The following KANSL1 variants were observed in gnomAD, a reference collection of about 807,000 sequenced individuals.
KANSL1 encodes KAT8 regulatory NSL complex subunit 1.
Under a neutral mutation model 103.6 loss-of-function variants are expected in KANSL1, and 22 were observed. That is an observed-to-expected ratio of 0.21 (90% CI 0.15 to 0.30). The LOEUF is 0.30. Ranked by LOEUF, KANSL1 falls within the 10% of genes least tolerant of loss-of-function variation. The pLI is 1.00. For synonymous variants in KANSL1, 600 were observed against 527.6 expected (o/e 1.14, Z -1.88); for missense variants, 1,337 against 1,399.8 (o/e 0.96, Z 0.72).
At chr17:46,111,509 C>T (rs1266985477) in intron 2 of KANSL1, among the ~76,000 whole-genome samples, 6 of 152,068 alleles carry the variant, frequency 3.9e-5, no homozygotes, top group Non-Finnish European at 5.9e-5. Context: ...CGTGCCCAAC[C>T]GAAAGAGAAT....
chr17:46,192,570 A>T (rs1449792461), intron 1 of KANSL1: 1 of 152,882 alleles, frequency 6.5e-6, no homozygotes, highest in African/African-American at 2.4e-5. Flanking sequence ...ACGCCAAAGG[A>T]AAAGCTGGCG....
At chr17:46,189,031 CAAAAAAA>C (rs57566816) in intron 1 of KANSL1, among the ~76,000 whole-genome samples, 355 of 61,540 alleles carry the variant, frequency 5.8e-3, no homozygotes, top group Admixed American at 6.5e-3. Flanking sequence ...AAGATTGTCT[CAAAAAAA>C]AAAAAAAAAA....
chr17:46,134,493 T>C (rs1262161479), intron 2 of KANSL1, among the ~76,000 whole-genome samples: 9 of 152,122 alleles, frequency 5.9e-5, no homozygotes, highest in South Asian at 2.1e-4. Flanking sequence ...AGAAAGGAGA[T>C]AGAGCTGACC....
chr17:46,136,937 C>T (rs1169579477), intron 2 of KANSL1, among the ~76,000 whole-genome samples: 1 of 152,230 alleles, frequency 6.6e-6, no homozygotes, highest in Non-Finnish European at 1.5e-5. Context: ...GGGTTGGGAA[C>T]TGAATCCCAC....
At chr17:46,089,540 T>C (rs1240288846) in intron 3 of KANSL1, among the ~76,000 whole-genome samples, 1 of 150,668 alleles carries the variant, frequency 6.6e-6, no homozygotes, top group East Asian at 1.9e-4. Flanking sequence ...ATCACCAAGA[T>C]TCAGCCTATC....
At position 46,206,083 on chromosome 17, in the gene KANSL1, C is replaced by CCA. The variant is rs1491578296; in HGVS notation, c.-90+17587_-90+17588insTG. Among the ~76,000 whole-genome samples the CCA allele has an allele frequency of 3.8e-4, 34 of 89,538 alleles. No homozygotes were observed. The East Asian group carries it at 6.4e-3, about 17-fold the overall frequency. The allele number at this position is 89,538 out of a possible 152,430, so 58.7% of individuals were successfully genotyped here. A position where few individuals can be genotyped will look rare whatever the true frequency, so the allele number is the denominator to read the frequency against. On this transcript the variant is annotated intron_variant, in intron 1 of 14. Coordinates refer to the KANSL1 transcript ENST00000572904. The stretch of plus-strand genomic sequence containing the variant: ...GATGACAGAACAAGACTGTGTCCCC[C>CCA]AAAAAAAAAAAAAAAAAAAAAAGGA...
At chr17:46,092,952 T>C (rs1014599534) in intron 3 of KANSL1, 1 of 152,194 alleles carries the variant, frequency 6.6e-6, no homozygotes, top group Non-Finnish European at 1.5e-5. Context: ...TTCTATGAAA[T>C]GTAGCAGTTT....
intron 2 of KANSL1, among the ~76,000 whole-genome samples, chr17:46,133,924 G>C (rs1228166029): frequency 6.6e-6 from 1 of 152,216 alleles, no homozygotes; most frequent in African/African-American, 2.4e-5. Context: ...GTGGAGATGA[G>C]TGAAATCAAC....
chr17:46,184,866 G>A (rs539893082), intron 1 of KANSL1, among the ~76,000 whole-genome samples: 3 of 138,194 alleles, frequency 2.2e-5, no homozygotes, highest in Admixed American at 1.5e-4. Flanking sequence ...TTGAAACAGA[G>A]CCTCTCATTG....
chr17:46,092,298 T>G lies in KANSL1; in HGVS notation c.1431+2262A>C, dbSNP rs1282207284. Among the ~76,000 whole-genome samples the G allele has an allele frequency of 3.3e-5, 5 of 152,242 alleles. No homozygotes were observed. The East Asian group carries it at 9.6e-4, about 29-fold the overall frequency. On this transcript the variant is annotated intron_variant, in intron 3 of 14. Transcript: ENST00000432791. ...AATACTTTTCAGATATTTTGATATT[T>G]TGAAAGTTTCTGAAAATTGCTCTGT...
chr17:46,168,000 C>T (rs540741968), intron 2 of KANSL1, among the ~76,000 whole-genome samples: 26 of 152,334 alleles, frequency 1.7e-4, no homozygotes, highest in African/African-American at 3.8e-4. Context: ...GCTGCCTAGA[C>T]GAAACCTAGC....
At position 46,171,906 on chromosome 17, in the gene KANSL1, C is replaced by G; in HGVS notation, c.238G>C (p.Ala80Pro). The part of the protein sequence containing the change: ...EDLGKLQPLV[A>P]SYLCSDVTSV... Reference sequence around the variant, plus strand: ...GTTACATCAGAGCAGAGATAAGATGCCACCAGTGGTTGCAGCTTTCCCAAG... The same window carrying G: ...GTTACATCAGAGCAGAGATAAGATGGCACCAGTGGTTGCAGCTTTCCCAAG... Residue 80 changes from alanine (A) to proline (P), a missense_variant, in exon 2 of 15, where the codon GCA becomes CCA. Around this residue, in one of 2 missense-constraint regions of KANSL1, gnomAD observed 557 missense variants for 476.4 expected, o/e 1.17. Coordinates refer to ENST00000432791, the MANE Select transcript of KANSL1 (RefSeq NM_015443.4). 1 of 1,614,266 alleles carries G rather than the reference C, an allele frequency of 6.2e-7. No individual in the cohort carries two copies. Among genetic ancestry groups the G allele is most frequent in the Non-Finnish European group, 8.5e-7 (1 of 1,180,050 alleles).
chr17:46,142,535 G>A (rs1401184967), intron 2 of KANSL1, among the ~76,000 whole-genome samples: 3 of 152,220 alleles, frequency 2.0e-5, no homozygotes, highest in African/African-American at 7.2e-5. Flanking sequence ...CTTGAGTCCT[G>A]GAGGTTGAAG....
chr17:46,165,537 G>T (rs2045953789), intron 2 of KANSL1, among the ~76,000 whole-genome samples: 2 of 149,160 alleles, frequency 1.3e-5, no homozygotes, highest in African/African-American at 4.9e-5. Flanking sequence ...TTGAGACACA[G>T]TTTCACTCTG....
upstream of KANSL1, chr17:46,193,650 G>T (rs946688584): frequency 6.4e-6 from 2 of 312,772 alleles, no homozygotes; most frequent in Non-Finnish European, 1.3e-5. Context: ...ATCTGCGGAG[G>T]CCGCGGCGCC....
chr17:46,031,902 G>T, intron 14 of KANSL1, 145 bp downstream of exon 14: 1 of 1,201,620 alleles, frequency 8.3e-7, no homozygotes, highest in Non-Finnish European at 1.2e-6. Context: ...CAGTTCCACT[G>T]AACGTTGAGG....
At chr17:46,044,156 G>T (rs1375414070) in intron 7 of KANSL1, 1 of 152,174 alleles carries the variant, frequency 6.6e-6, no homozygotes, top group African/African-American at 2.4e-5. Flanking sequence ...GAACACACCA[G>T]AGATCCATTC....
chr17:46,067,595 T>G lies in KANSL1; in HGVS notation c.1606A>C (p.Thr536Pro), dbSNP rs1057520967. ...GGTCTGAGTGCTCCACATGATTTGGTAGACAGTGACTCTGAAATATGACCA... is the reference window on the plus strand; with the variant it reads ...GGTCTGAGTGCTCCACATGATTTGGGAGACAGTGACTCTGAAATATGACCA... ...IIGHISESLS[T>P]KSCGALRPVN... Residue 536 changes from threonine (T) to proline (P), a missense_variant, in exon 5 of 15, where the codon ACC (threonine) becomes CCC (proline). Thr to Pro is a conservative substitution (Grantham distance 38, BLOSUM62 -1). This residue lies in a region of KANSL1 where 780 missense variants were observed against 923.4 expected (regional missense o/e 0.84). Transcript: ENST00000432791. 2 of 1,609,390 alleles carry G rather than the reference T, an allele frequency of 1.2e-6. No individual in the cohort carries two copies. The highest frequency in any genetic ancestry group is 1.7e-6 in the Non-Finnish European group (2 of 1,175,874).
At chr17:46,082,282 A>G (rs1014386832) in intron 4 of KANSL1, among the ~76,000 whole-genome samples, 159 bp downstream of exon 4, 4 of 152,150 alleles carry the variant, frequency 2.6e-5, no homozygotes, top group Non-Finnish European at 5.9e-5. Context: ...TAGATTCCCT[A>G]TTCAGGAATT....
Sources: allele counts gnomAD v4.1 joint callset (sites outside exome capture counted in the v4.1 genomes callset), GRCh38; gene constraint gnomAD v4.1.1; regional missense constraint gnomAD v4.1.1; transcripts MANE v1.5; gene names NCBI Gene and HGNC (gene_info 2026-07-23, HGNC 2026-07-21).